The following SP7 variants were observed in gnomAD, a reference collection of about 807,000 sequenced individuals.
SP7 encodes the protein transcription factor Sp7.
Under a neutral mutation model 27.9 loss-of-function variants are expected in SP7, and 13 were observed. The observed-to-expected ratio is 0.47, with a 90% CI of 0.30 to 0.74. The LOEUF is 0.74. Ranked by LOEUF, SP7 falls within the 30% of genes least tolerant of loss-of-function variation. SP7 has a pLI of 0.06. For synonymous variants in SP7, 219 were observed against 226.7 expected (o/e 0.97, Z 0.31); for missense variants, 525 against 558.0 (o/e 0.94, Z 0.60).
Position 53,335,640 on chromosome 12 carries a change from A to G in SP7, c.7T>C (p.Ser3Pro). The change falls in exon 2 of 3, where the codon TCC becomes CCC. Residue 3 changes from serine (S) to proline (P), a missense_variant. Transcript: ENST00000536324. ...GGGACAGTTACCTCAAGCAGGGAGG[A>G]CGCCATCCTGAGGCTGGGGAACGGG... MASSLLEEEVHYG... is the reference protein window; with the variant it reads MAPSLLEEEVHYG... 6.8e-7 allele frequency: 1 copy of G among 1,464,918 alleles called. No homozygotes were observed. Among genetic ancestry groups the G allele is most frequent in the African/African-American group, 1.5e-5 (1 of 67,178 alleles). 90.7% of individuals were successfully genotyped at this position (1,464,918 alleles called of 1,614,324 possible).
Position 53,328,200 on chromosome 12 carries a change from G to C in SP7, c.1242C>G (p.Thr414=). The change falls in exon 3 of 3, where the codon ACC becomes ACG. Residue 414 remains threonine, a synonymous_variant. Coordinates refer to ENST00000536324, the MANE Select transcript of SP7 (RefSeq NM_001173467.3). This position sits in a 1 kb window ranked among gnomAD's most constrained non-coding sequence, Gnocchi z 5.1. The part of the protein sequence containing the change: ...QTPRPSASPA[T]PEKAPGGSPE... ...GGCTGCCTCCAGGGGCTTTCTCTGG[G>C]GTTGCTGGCGAGGCAGAAGGTCGGG... 1 of 1,613,256 alleles carries C rather than the reference G, an allele frequency of 6.2e-7. No homozygotes were observed. The highest frequency in any genetic ancestry group is 8.5e-7 in the Non-Finnish European group (1 of 1,179,684).
chr12:53,328,691 C>G lies in SP7; in HGVS notation c.751G>C (p.Gly251Arg). The change falls in exon 3 of 3, where the codon GGT becomes CGT. Residue 251 changes from glycine (G) to arginine (R), a missense_variant. Physicochemically the swap from Gly to Arg is moderately radical, Grantham distance 125. Transcript: ENST00000536324. The surrounding 1 kb of genome is among the most constrained non-coding windows in gnomAD (Gnocchi z 5.1). ...EGSGGAKPPRGASTGGSGGYG... is the reference protein window; with the variant it reads ...EGSGGAKPPRRASTGGSGGYG... ...CCACCACTACCCCCAGTGCTTGCAC[C>G]CCGTGGGGGTTTGGCTCCACCACTC... 1 of 1,606,382 alleles carries G rather than the reference C, an allele frequency of 6.2e-7. No homozygotes were observed. The highest frequency in any genetic ancestry group is 8.5e-7 in the Non-Finnish European group (1 of 1,174,670).
intron 2 of SP7, among the ~76,000 whole-genome samples, chr12:53,330,188 A>G (rs1565791205): frequency 6.6e-6 from 1 of 152,110 alleles, no homozygotes; most frequent in Non-Finnish European, 1.5e-5. Flanking sequence ...AGCTGGGATT[A>G]CAGCCGCACG....
chr12:53,335,737 G>T, intron 1 of SP7, 44 bp from the exon 2 acceptor site: 1 of 1,307,252 alleles, frequency 7.6e-7, no homozygotes, highest in Non-Finnish European at 1.0e-6. Flanking sequence ...AAGGGAGAGG[G>T]AGGGAGAATG....
At chr12:53,339,511 A>G (rs1944803733), upstream of SP7, among the ~76,000 whole-genome samples, 1 of 151,448 alleles carries the variant, frequency 6.6e-6, no homozygotes, top group Non-Finnish European at 1.5e-5. Flanking sequence ...GGATCACCTG[A>G]GGTCAGGAGT....
chr12:53,338,116 G>A (rs945070279), upstream of SP7, among the ~76,000 whole-genome samples: 1 of 148,094 alleles, frequency 6.8e-6, no homozygotes, highest in Non-Finnish European at 1.5e-5. Context: ...CGGAGGAGGA[G>A]GAGGAGGAGG....
rs1835237404 is a variant in SP7, at chr12:53,327,911, AG to A, written c.*234del. The A allele has an allele frequency of 2.0e-6, 1 of 511,674 alleles. No individual in the cohort carries two copies. Among genetic ancestry groups the A allele is most frequent in the Admixed American group, 3.7e-5 (1 of 27,286 alleles). The allele number at this position is 511,674 out of a possible 1,614,324, so 31.7% of individuals were successfully genotyped here. A position where few individuals can be genotyped will look rare whatever the true frequency, so the allele number is the denominator to read the frequency against. The stretch of plus-strand genomic sequence containing the variant: ...AGCCGGAGTGCAGGTATCAGGCACA[AG>A]GGGAGGGCCTGAGATGAGAGTTTGT... On this transcript the variant is annotated 3_prime_UTR_variant, in exon 3 of 3. Transcript: ENST00000536324.
rs1363621866 is a variant in SP7, at chr12:53,328,658, C to T, written c.784G>A (p.Gly262Ser). ...CAGGAGGAGCGCCCTGCCCCACTGC[C>T]CCCATATCCACCACTACCCCCAGTG... is the stretch of plus-strand genomic sequence containing the variant. ...ASTGGSGGYG[G>S]SGAGRSSCDC... Residue 262 changes from glycine (G) to serine (S), a missense_variant, in exon 3 of 3, where the codon GGC becomes AGC. Gly to Ser is a moderately conservative substitution (Grantham distance 56). Transcript: ENST00000536324. This position sits in a 1 kb window ranked among gnomAD's most constrained non-coding sequence, Gnocchi z 5.1. The T allele has an allele frequency of 6.2e-7, 1 of 1,610,392 alleles. No homozygotes were observed. Among genetic ancestry groups the T allele is most frequent in the Admixed American group, 1.7e-5 (1 of 59,860 alleles).
intron 2 of SP7, 22 bp from the exon 3 acceptor site, chr12:53,329,442 G>C (rs778878242): frequency 5.6e-6 from 9 of 1,608,664 alleles, no homozygotes; most frequent in Non-Finnish European, 7.7e-6. Flanking sequence ...GGGACGCACT[G>C]CTTAGGGAGA....
Position 53,329,396 on chromosome 12 carries a change from G to C in SP7, c.46C>G (p.Pro16Ala). 6.2e-7 allele frequency: 1 copy of C among 1,613,982 alleles called. No individual in the cohort carries two copies. Among genetic ancestry groups the C allele is most frequent in the Non-Finnish European group, 8.5e-7 (1 of 1,179,862 alleles). Residue 16 changes from proline to alanine, a missense_variant, in exon 3 of 3, where the codon CCC becomes GCC. Transcript: ENST00000536324. ...LEEEVHYGSSPLAMLTAACSK... is the reference protein window; with the variant it reads ...LEEEVHYGSSALAMLTAACSK... ...CACGCTGCCGTCAGCATGGCCAGGG[G>C]ACTGGAGCCATAGTGAACTTCCTCC...
intron 2 of SP7, among the ~76,000 whole-genome samples, chr12:53,330,225 T>C (rs1473514905): frequency 1.3e-5 from 2 of 152,026 alleles, no homozygotes; most frequent in Non-Finnish European, 2.9e-5. Flanking sequence ...TTTTGTATTT[T>C]TAGTACAGAC....
chr12:53,335,046 C>G lies in SP7; in HGVS notation c.21+580G>C, dbSNP rs1005408270. Among the ~76,000 whole-genome samples, 11 of 152,310 alleles carry G rather than the reference C, an allele frequency of 7.2e-5. No homozygotes were observed. The South Asian group carries it at 2.1e-3, about 29-fold the overall frequency. On this transcript the variant is annotated intron_variant, in intron 2 of 2. Coordinates refer to ENST00000536324, the MANE Select transcript of SP7 (RefSeq NM_001173467.3). ...GCTCAGTTCCCCTGGTCAGCTCCCC[C>G]ACAGGCACAGGCTGGCCTCCTCCTT...
chr12:53,343,045 C>T (rs888144814), intron 1 of SP7, among the ~76,000 whole-genome samples: 1 of 151,098 alleles, frequency 6.6e-6, no homozygotes, highest in East Asian at 1.9e-4. Context: ...CCTGTAATCC[C>T]AGCACTTTGG....
At position 53,328,228 on chromosome 12, in the gene SP7, G is replaced by T. The variant is rs549948087; in HGVS notation, c.1214C>A (p.Thr405Lys). ...TGCTGGCGAGGCAGAAGGTCGGGGC[G>T]TCTGACTGGCCTCCTCTTCCCCCGT... ...RSTGEEEASQ[T>K]PRPSASPATP... The change falls in exon 3 of 3, where the codon ACG (threonine) becomes AAG (lysine). Residue 405 changes from threonine (T) to lysine (K), a missense_variant. Coordinates refer to ENST00000536324, the MANE Select transcript of SP7 (RefSeq NM_001173467.3). This position sits in a 1 kb window ranked among gnomAD's most constrained non-coding sequence, Gnocchi z 5.1. 1.2e-6 allele frequency: 2 copies of T among 1,613,130 alleles called. No homozygotes were observed. Among genetic ancestry groups the T allele is most frequent in the Non-Finnish European group, 1.7e-6 (2 of 1,179,602 alleles).
chr12:53,334,188 G>T lies in SP7; in HGVS notation c.21+1438C>A, dbSNP rs1944739142. The stretch of plus-strand genomic sequence containing the variant: ...GCAGCTACGGGTAGACCCCTGGCTG[G>T]ATACAGAGTGTGACAAGGGACGTGG... On this transcript the variant is annotated intron_variant, in intron 2 of 2. Transcript: ENST00000536324. Among the ~76,000 whole-genome samples, 4 of 152,136 alleles carry T rather than the reference G, an allele frequency of 2.6e-5. No homozygotes were observed. The South Asian group carries it at 8.3e-4, about 31-fold the overall frequency.
At chr12:53,332,851 C>G (rs1029224962) in intron 2 of SP7, among the ~76,000 whole-genome samples, 2 of 152,158 alleles carry the variant, frequency 1.3e-5, no homozygotes, top group Non-Finnish European at 2.9e-5. Context: ...CCCCCCTGAC[C>G]GCCCCCTCTC....
At chr12:53,332,083 G>A (rs1378912854) in intron 2 of SP7, among the ~76,000 whole-genome samples, 2 of 152,112 alleles carry the variant, frequency 1.3e-5, no homozygotes, top group East Asian at 1.9e-4. Flanking sequence ...AGGGTTTCCC[G>A]GGAACCCCTG....
Position 53,327,458 on chromosome 12 carries a change from C to G in SP7, c.*688G>C, listed in dbSNP as rs1204749754. The G allele has an allele frequency of 6.6e-6, 1 of 152,626 alleles. No homozygotes were observed. Among genetic ancestry groups the G allele is most frequent in the Non-Finnish European group, 1.5e-5 (1 of 68,056 alleles). The allele number at this position is 152,626 out of a possible 1,614,324, so 9.5% of individuals were successfully genotyped here. A position where few individuals can be genotyped will look rare whatever the true frequency, so the allele number is the denominator to read the frequency against. On this transcript the variant is annotated 3_prime_UTR_variant, in exon 3 of 3. Transcript: ENST00000536324. ...CCTCCCCAGCTCACTCTACCTGACCCGTCATCATAACTTACATAAATAGAA... is the reference window on the plus strand; with the variant it reads ...CCTCCCCAGCTCACTCTACCTGACCGGTCATCATAACTTACATAAATAGAA...
chr12:53,334,411 C>T (rs1228709652), intron 2 of SP7, among the ~76,000 whole-genome samples: 1 of 151,822 alleles, frequency 6.6e-6, no homozygotes, highest in Non-Finnish European at 1.5e-5. Context: ...TGCACCCTAA[C>T]GATTACACTC....
Sources: gnomAD v4.1 joint callset for allele counts (sites outside exome capture counted in the v4.1 genomes callset) on GRCh38, gnomAD v4.1.1 for gene constraint, Gnocchi (gnomAD v3.1) non-coding constraint, MANE v1.5 for transcripts, NCBI Gene and HGNC (gene_info 2026-07-23, HGNC 2026-07-21) for gene names.